Variants in IL18BP observed in about 807,000 individuals in gnomAD.
IL18BP encodes interleukin-18-binding protein.
IL18BP carries 23 observed loss-of-function variants against 19.9 expected under a neutral mutation model. The observed-to-expected ratio is 1.15, with a 90% CI of 0.83 to 1.64. The LOEUF is 1.64. Among genes scored for constraint, IL18BP ranks in the 40% most tolerant of loss-of-function variants. IL18BP has a pLI of 0.00. For missense variants in IL18BP, 239 were observed against 240.7 expected (o/e 0.99, Z 0.05); for synonymous variants, 107 against 101.0 (o/e 1.06, Z -0.35).
At chr11:72,004,762 G>A, downstream of IL18BP, 2 of 1,604,148 alleles carry the variant, frequency 1.2e-6, no homozygotes, top group Non-Finnish European at 1.7e-6. Context: ...AGGGTCTCTT[G>A]GGGGTCTCCA....
downstream of IL18BP, chr11:72,005,122 C>G (rs1955599304): frequency 2.4e-6 from 3 of 1,257,026 alleles, no homozygotes; most frequent in East Asian, 2.6e-5. Flanking sequence ...TCACCCTCCC[C>G]CTCCTCGGCC....
downstream of IL18BP, chr11:72,003,531 T>C (rs1308668694): frequency 2.5e-6 from 4 of 1,614,022 alleles, no homozygotes; most frequent in African/African-American, 2.7e-5. Context: ...GGCCCTTTAG[T>C]GCTTTGCCTG....
downstream of IL18BP, chr11:72,003,947 G>T (rs1408561671): frequency 6.2e-7 from 1 of 1,613,642 alleles, no homozygotes; most frequent in Non-Finnish European, 8.5e-7. Context: ...TGGCTGTGGT[G>T]GTGGCAATGC....
At chr11:72,006,715 C>A (rs1565189718), downstream of IL18BP, among the ~76,000 whole-genome samples, 1 of 152,210 alleles carries the variant, frequency 6.6e-6, no homozygotes, top group Non-Finnish European at 1.5e-5. Flanking sequence ...TCCCCAACTT[C>A]TTGGTAGCAG....
chr11:72,001,441 G>T lies in IL18BP; in HGVS notation c.396G>T (p.Lys132Asn). The part of the protein sequence containing the change: ...ERGSTGTQLC[K>N]ALVLEQLTPA... ...GGAGCACAGGTACGCAGCTGTGCAA[G>T]GCCTTGGTGCTGGAGCAGCTGACCC... Residue 132 changes from lysine to asparagine, a missense_variant, in exon 5 of 6, where the codon AAG (lysine) becomes AAT (asparagine). Physicochemically the swap from Lys to Asn is moderately conservative, Grantham distance 94. Coordinates refer to ENST00000393703, the MANE Select transcript of IL18BP (RefSeq NM_001039660.2). The T allele has an allele frequency of 1.2e-6, 2 of 1,614,236 alleles. No homozygotes were observed. Among genetic ancestry groups the T allele is most frequent in the Non-Finnish European group, 1.7e-6 (2 of 1,180,050 alleles).
chr11:72,001,139 G>A (rs1590830875), intron 3 of IL18BP, 62 bp from the exon 4 acceptor site: 3 of 1,604,630 alleles, frequency 1.9e-6, no homozygotes, highest in Non-Finnish European at 1.7e-6. Flanking sequence ...GGAGGGCACA[G>A]CAGAGCAGGG....
At chr11:72,007,511 C>A, downstream of IL18BP, 2 of 1,545,058 alleles carry the variant, frequency 1.3e-6, no homozygotes, top group Non-Finnish European at 1.7e-6. Flanking sequence ...TGAAAGTGAC[C>A]ATTTCCCATC....
intron 5 of IL18BP, 86 bp downstream of exon 5, chr11:72,001,638 G>A (rs1365177485): frequency 6.3e-7 from 1 of 1,593,774 alleles, no homozygotes; most frequent in East Asian, 2.3e-5. Flanking sequence ...TGCCAGAGCA[G>A]CCTGTGAACT....
rs1955341605 is a variant in IL18BP at position 72,002,746 on chromosome 11, T to G, written c.*885T>G. The G allele has an allele frequency of 5.5e-6, 1 of 180,442 alleles. No individual in the cohort carries two copies. Among genetic ancestry groups the G allele is most frequent in the South Asian group, 2.0e-4 (1 of 5,048 alleles). 11.2% of individuals were successfully genotyped at this position (180,442 alleles called of 1,614,324 possible). A position where few individuals can be genotyped will look rare whatever the true frequency, so the allele number is the denominator to read the frequency against. On this transcript the variant is annotated 3_prime_UTR_variant, in exon 6 of 6. Coordinates refer to ENST00000393703, the MANE Select transcript of IL18BP (RefSeq NM_001039660.2). ...AGAGTGGGAAGAGCCTGGAAAGATGTGGCCTCAGGAAAAGGGATGAGAGAA... is the reference window on the plus strand; with the variant it reads ...AGAGTGGGAAGAGCCTGGAAAGATGGGGCCTCAGGAAAAGGGATGAGAGAA...
downstream of IL18BP, chr11:72,005,615 C>T (rs2845860): frequency 0.94 from 495,918 of 525,046 alleles, 235,023 homozygotes; most frequent in Non-Finnish European, 0.98. Flanking sequence ...CTACATCTTA[C>T]TCACCTGCCA....
At chr11:71,999,757 A>G (rs1955110120) in intron 1 of IL18BP, 170 bp from the exon 2 acceptor site, 1 of 570,764 alleles carries the variant, frequency 1.8e-6, no homozygotes, top group Non-Finnish European at 3.2e-6. Context: ...ATTTGTGGTC[A>G]TGAGAGCTGG....
At chr11:72,005,188 G>A (rs759776620), downstream of IL18BP, 1 of 1,526,898 alleles carries the variant, frequency 6.5e-7, no homozygotes, top group Admixed American at 2.2e-5. Flanking sequence ...GGATTCCAAG[G>A]GAGGGCAGGG....
At chr11:72,001,647 C>T (rs1226546438) in intron 5 of IL18BP, 95 bp downstream of exon 5, 2 of 1,597,706 alleles carry the variant, frequency 1.3e-6, no homozygotes, top group Admixed American at 3.5e-5. Context: ...AGCCTGTGAA[C>T]TAATGCCCAG....
chr11:72,005,939 G>C, downstream of IL18BP: 1 of 1,070,764 alleles, frequency 9.3e-7, no homozygotes. Context: ...AAGGAGGCCA[G>C]CCTTGGATTT....
intron 3 of IL18BP, among the ~76,000 whole-genome samples, 171 bp from the exon 4 acceptor site, chr11:72,001,030 C>T (rs1050042636): frequency 1.3e-5 from 2 of 152,240 alleles, no homozygotes; most frequent in Non-Finnish European, 2.9e-5. Context: ...TAGGGCCTCT[C>T]GGAGACAACT....
rs1378894874 is a variant in IL18BP at position 72,001,204 on chromosome 11, G to A, written c.239G>A (p.Gly80Glu). Residue 80 changes from glycine to glutamate, a missense_variant, in exon 4 of 6, where the codon GGA becomes GAA. By Grantham distance (98) the Gly-to-Glu change is moderately conservative (BLOSUM62 -2). Coordinates refer to ENST00000393703, the MANE Select transcript of IL18BP (RefSeq NM_001039660.2). ...TWPEVEVPLN[G>E]TLSLSCVACS... Reference sequence around the variant, plus strand: ...TAACTGCTGCCTGTGTCCCTAGATGGAACGCTGAGCTTATCCTGTGTGGCC... The same window carrying A: ...TAACTGCTGCCTGTGTCCCTAGATGAAACGCTGAGCTTATCCTGTGTGGCC... The A allele has an allele frequency of 5.0e-6, 8 of 1,614,018 alleles. No homozygotes were observed. The highest frequency in any genetic ancestry group is 1.3e-5 in the African/African-American group (1 of 74,934).
Position 72,001,930 on chromosome 11 carries a change from GA to G in IL18BP, c.*71del. On this transcript the variant is annotated 3_prime_UTR_variant, in exon 6 of 6. Coordinates refer to ENST00000393703, the MANE Select transcript of IL18BP (RefSeq NM_001039660.2). ...TGGGTCCTACCTGTCTACCTGGAGT[GA>G]ACAGTCCCTGACTGCCTGTAGGCTG... The G allele has an allele frequency of 6.2e-7, 1 of 1,604,802 alleles. No individual in the cohort carries two copies. The highest frequency in any genetic ancestry group is 1.1e-5 in the South Asian group (1 of 90,026).
rs753258672 is a variant in IL18BP at position 72,001,318 on chromosome 11, GCA to G, written c.355_356del (p.Thr119GlnfsTer37). 8.7e-6 allele frequency: 14 copies of G among 1,614,120 alleles called. No homozygotes were observed. The East Asian group carries it at 2.9e-4, about 33-fold the overall frequency. On this transcript the variant is annotated frameshift_variant, in exon 4 of 6. Coordinates refer to ENST00000393703, the MANE Select transcript of IL18BP (RefSeq NM_001039660.2). LOFTEE classifies it high-confidence loss of function. ...CTCCCAGGCCGACTGTGGGAGGGGA[GCA>G]CCAGGTGAGGGTCGCAGCAGCCAGG...
chr11:72,001,059 T>C, intron 3 of IL18BP, 142 bp from the exon 4 acceptor site: 1 of 947,998 alleles, frequency 1.1e-6, no homozygotes, highest in Admixed American at 2.3e-5. Flanking sequence ...GTAACGGACG[T>C]TCCCACCTAG....
Sources: gnomAD v4.1 joint callset for allele counts (sites outside exome capture counted in the v4.1 genomes callset) on GRCh38, gnomAD v4.1.1 for gene constraint, MANE v1.5 for transcripts, NCBI Gene and HGNC (gene_info 2026-07-23, HGNC 2026-07-21) for gene names.